TMEM117: variants seen among roughly 807,000 people sequenced by gnomAD.
TMEM117 encodes the protein transmembrane protein 117.
A neutral mutation model predicts 52.4 loss-of-function variants in TMEM117; 27 were observed. The ratio of observed to expected loss-of-function variants is 0.51; its 90% CI spans 0.38 to 0.71. The LOEUF (loss-of-function observed/expected upper bound fraction) is 0.71, where lower values mean the gene tolerates loss of function less well. TMEM117 is among the 30% of genes least tolerant of loss of function. TMEM117 has a pLI of 0.00. For missense variants in TMEM117, 556 were observed against 630.5 expected (o/e 0.88, Z 1.26); for synonymous variants, 215 against 206.3 (o/e 1.04, Z -0.36).
chr12:43,819,259 A>G, the TMEM117 span, among the ~76,000 whole-genome samples: 1 of 152,198 alleles, frequency 6.6e-6, no homozygotes, highest in East Asian at 1.9e-4. Context: ...AAAGGAAAAA[A>G]AGAGTGAAGG....
At chr12:44,013,975 T>C (rs1592440899) in intron 3 of TMEM117, among the ~76,000 whole-genome samples, 1 of 152,116 alleles carries the variant, frequency 6.6e-6, no homozygotes, top group East Asian at 1.9e-4. Flanking sequence ...ATACTGGAAG[T>C]TGAAAAAGGG....
chr12:43,920,370 G>A (rs978273200), intron 2 of TMEM117, among the ~76,000 whole-genome samples: 12 of 151,890 alleles, frequency 7.9e-5, no homozygotes, highest in Admixed American at 2.6e-4. Flanking sequence ...AAAATTAGCC[G>A]GGCGTGGTGG....
At chr12:43,836,467 C>G (rs1943031993) in intron 1 of TMEM117, among the ~76,000 whole-genome samples, 1 of 152,128 alleles carries the variant, frequency 6.6e-6, no homozygotes, top group African/African-American at 2.4e-5. Context: ...AGGAGACTCC[C>G]GGGCGAAAGG....
intron 5 of TMEM117, among the ~76,000 whole-genome samples, chr12:44,268,444 C>T (rs910322735): frequency 6.6e-6 from 1 of 151,792 alleles, no homozygotes; most frequent in East Asian, 1.9e-4. Context: ...GCACCTGGCC[C>T]CATGGTGTCT....
At chr12:43,981,942 C>A (rs1433324726) in intron 3 of TMEM117, among the ~76,000 whole-genome samples, 1 of 151,898 alleles carries the variant, frequency 6.6e-6, no homozygotes, top group East Asian at 1.9e-4. Context: ...TGTTCTATTG[C>A]ACAGTAGGGT....
chr12:44,070,912 C>T (rs576189678), intron 3 of TMEM117, among the ~76,000 whole-genome samples: 51 of 152,144 alleles, frequency 3.4e-4, no homozygotes, highest in African/African-American at 1.2e-3. Flanking sequence ...ATGAAGAAAG[C>T]CAAGGAGTAA....
intron 3 of TMEM117, among the ~76,000 whole-genome samples, chr12:44,054,567 A>AT (rs1258481009): frequency 1.3e-5 from 2 of 152,096 alleles, no homozygotes; most frequent in African/African-American, 4.8e-5. Context: ...AAAACTTTGG[A>AT]TTTTTTGCAA....
chr12:44,002,293 A>G (rs1194514107), intron 3 of TMEM117, among the ~76,000 whole-genome samples: 1 of 152,194 alleles, frequency 6.6e-6, no homozygotes, highest in African/African-American at 2.4e-5. Flanking sequence ...AACCCCTTTT[A>G]TGGAAGCTGA....
At chr12:43,900,415 C>T (rs1324130264) in intron 2 of TMEM117, among the ~76,000 whole-genome samples, 1 of 151,920 alleles carries the variant, frequency 6.6e-6, no homozygotes, top group African/African-American at 2.4e-5. Flanking sequence ...AACTCTCATG[C>T]CCTTAAATTA....
the TMEM117 span, chr12:43,799,521 C>T: frequency 7.1e-7 from 1 of 1,401,684 alleles, no homozygotes; most frequent in Non-Finnish European, 9.9e-7. Context: ...ACAGAATAGA[C>T]TATAATCAGT....
chr12:44,085,718 A>C (rs1947555839), intron 3 of TMEM117, among the ~76,000 whole-genome samples: 1 of 152,228 alleles, frequency 6.6e-6, no homozygotes, highest in Non-Finnish European at 1.5e-5. Context: ...ACTACTTTGA[A>C]ATTATAGAAC....
chr12:43,830,375 G>A, the TMEM117 span, among the ~76,000 whole-genome samples: 2 of 151,932 alleles, frequency 1.3e-5, no homozygotes, highest in Admixed American at 6.6e-5. Flanking sequence ...TTGGGAGGCC[G>A]AGGCAGGTGG....
chr12:44,193,239 G>A (rs1270889560), intron 4 of TMEM117, among the ~76,000 whole-genome samples: 1 of 152,188 alleles, frequency 6.6e-6, no homozygotes, highest in African/African-American at 2.4e-5. Context: ...TAAGAATACA[G>A]TGGACAAGAT....
chr12:43,928,517 A>C (rs1273629987), intron 2 of TMEM117, among the ~76,000 whole-genome samples: 1 of 152,080 alleles, frequency 6.6e-6, no homozygotes, highest in Non-Finnish European at 1.5e-5. Context: ...TGGAGTATTT[A>C]GTCCATTTGT....
chr12:43,975,292 G>A (rs921912243), intron 3 of TMEM117, among the ~76,000 whole-genome samples: 2 of 152,228 alleles, frequency 1.3e-5, no homozygotes, highest in African/African-American at 2.4e-5. Flanking sequence ...GTGTGCCCTT[G>A]ACTCTATATA....
chr12:44,296,537 A>G (rs931745090), intron 5 of TMEM117, among the ~76,000 whole-genome samples: 1 of 152,168 alleles, frequency 6.6e-6, no homozygotes, highest in African/African-American at 2.4e-5. Flanking sequence ...ATGGATAAGC[A>G]TGTTTCCTAT....
At chr12:44,360,188 A>T (rs1273485353) in intron 6 of TMEM117, among the ~76,000 whole-genome samples, 1 of 152,154 alleles carries the variant, frequency 6.6e-6, no homozygotes, top group African/African-American at 2.4e-5. Context: ...AATTTTTCTT[A>T]TTAATTATGG....
At chr12:43,969,356 T>TTAAAAAAAAAAAAAAAA (rs1555189078) in intron 3 of TMEM117, among the ~76,000 whole-genome samples, 1 of 79,568 alleles carries the variant, frequency 1.3e-5, no homozygotes, top group African/African-American at 7.2e-5. Flanking sequence ...CCGTCTCTAC[T>TTAAAAAAAAAAAAAAAA]AAAAAAAAAA....
chr12:44,300,604 G>A (rs769605234), intron 6 of TMEM117, among the ~76,000 whole-genome samples: 1 of 152,118 alleles, frequency 6.6e-6, no homozygotes. Flanking sequence ...GAGATATTCA[G>A]TGTTGTCTCA....
Sources: gnomAD v4.1 joint callset for allele counts (sites outside exome capture counted in the v4.1 genomes callset) on GRCh38, gnomAD v4.1.1 for gene constraint, MANE v1.5 for transcripts, NCBI Gene and HGNC (gene_info 2026-07-23, HGNC 2026-07-21) for gene names.